The following TLE2 variants were observed in gnomAD, a reference collection of about 807,000 sequenced individuals.
TLE2 encodes transducin-like enhancer protein 2.
TLE2 carries 74 observed loss-of-function variants against 97.2 expected under a neutral mutation model. That is an observed-to-expected ratio of 0.76 (90% CI 0.63 to 0.92). The LOEUF is 0.92. Ranked by LOEUF, TLE2 falls within the 40% of genes least tolerant of loss-of-function variation. The pLI is 0.00. For synonymous variants in TLE2, 499 were observed against 432.1 expected (o/e 1.15, Z -1.92); for missense variants, 1,038 against 1,008.7 (o/e 1.03, Z -0.39).
At chr19:3,012,687 A>G (rs2089621655) in intron 11 of TLE2, among the ~76,000 whole-genome samples, 1 of 152,084 alleles carries the variant, frequency 6.6e-6, no homozygotes, top group African/African-American at 2.4e-5. Flanking sequence ...TCCCTCCCCA[A>G]GGAGAGCTCT....
intron 1 of TLE2, among the ~76,000 whole-genome samples, chr19:3,036,297 C>G (rs1251128368): frequency 6.6e-6 from 1 of 152,210 alleles, no homozygotes; most frequent in South Asian, 2.1e-4. Context: ...GGCTCCCGCC[C>G]AGGCTGTCAA....
chr19:3,022,253 G>A (rs1010585946), intron 5 of TLE2, among the ~76,000 whole-genome samples: 3 of 152,140 alleles, frequency 2.0e-5, no homozygotes, highest in African/African-American at 2.4e-5. Flanking sequence ...CAGGTGCGGT[G>A]GCTCACGCGT....
intron 3 of TLE2, 56 bp downstream of exon 3, chr19:3,028,263 G>A (rs2089978511): frequency 1.3e-6 from 2 of 1,538,212 alleles, no homozygotes; most frequent in African/African-American, 1.4e-5. Context: ...AGAGTCCACC[G>A]TGACTCAAAG....
chr19:3,037,709 G>T (rs1473237659), intron 1 of TLE2, among the ~76,000 whole-genome samples: 2 of 152,154 alleles, frequency 1.3e-5, no homozygotes, highest in Admixed American at 1.3e-4. Context: ...GCGGCTGGGG[G>T]AGAAGTCCCA....
upstream of TLE2, among the ~76,000 whole-genome samples, chr19:3,033,513 G>A (rs2090041806): frequency 6.6e-6 from 1 of 152,058 alleles, no homozygotes; most frequent in East Asian, 1.9e-4. Context: ...TGTTGGCCAG[G>A]CTGGTCTTGA....
At position 3,007,505 on chromosome 19, in the gene TLE2, C is replaced by A. The variant is rs538017647; in HGVS notation, c.1251-836G>T. ...TTTCAAGTGATCCTCCCGCCTTGGC[C>A]TCCCAAAGCACTGGGATTACAGGAG... On this transcript the variant is annotated intron_variant, in intron 14 of 19. Transcript: ENST00000262953. Among the ~76,000 whole-genome samples, 35 of 152,266 alleles carry A rather than the reference C, an allele frequency of 2.3e-4. No individual in the cohort carries two copies. The Middle Eastern group carries it at 0.01, about 44-fold the overall frequency.
intron 14 of TLE2, among the ~76,000 whole-genome samples, chr19:3,006,917 G>C (rs1000827487): frequency 1.3e-5 from 2 of 152,132 alleles, no homozygotes. Context: ...CGAGTAGCTG[G>C]GATTACAGGC....
chr19:3,021,114 AGG>A (rs148602558), intron 5 of TLE2, among the ~76,000 whole-genome samples: 858 of 45,450 alleles, frequency 0.019, 53 homozygotes, highest in Non-Finnish European at 0.028. Flanking sequence ...AAAAAAAAAA[AGG>A]GGGGGGGGTG....
chr19:3,033,173 C>T (rs1049027865), upstream of TLE2, among the ~76,000 whole-genome samples: 2 of 145,048 alleles, frequency 1.4e-5, no homozygotes, highest in African/African-American at 5.2e-5. Context: ...CCAAGCCTGG[C>T]TAATTTTTTT....
chr19:3,000,579 C>G, intron 19 of TLE2, 68 bp downstream of exon 19: 1 of 1,441,280 alleles, frequency 6.9e-7, no homozygotes, highest in African/African-American at 1.4e-5. Flanking sequence ...GGGGCAATCT[C>G]TCTGTCTGAC....
In TLE2 at chr19:3,011,032, C is replaced by G; in HGVS notation, c.1002G>C (p.Thr334=). ...CQLAAKPAPS[T]DSVALRSPLT... is the part of the protein sequence containing the mutation. ...AGGCAAGGTGCTCACCGACGCTGTC[C>G]GTGGAAGGTGCTGGCTTGGCAGCAA... The change falls in exon 12 of 20, where the codon ACG becomes ACC. Residue 334 remains threonine, a synonymous_variant. Transcript: ENST00000262953. 1 of 1,606,110 alleles carries G rather than the reference C, an allele frequency of 6.2e-7. No individual in the cohort carries two copies. Among genetic ancestry groups the G allele is most frequent in the Non-Finnish European group, 8.5e-7 (1 of 1,177,350 alleles).
intron 14 of TLE2, among the ~76,000 whole-genome samples, chr19:3,008,197 A>G (rs575758113): frequency 5.4e-4 from 83 of 152,316 alleles, no homozygotes; most frequent in African/African-American, 1.9e-3. Context: ...CAGTGGGTCT[A>G]GAACACTTCC....
At chr19:3,006,337 C>G (rs577882652) in intron 15 of TLE2, 83 bp downstream of exon 15, 1 of 1,533,612 alleles carries the variant, frequency 6.5e-7, no homozygotes, top group Non-Finnish European at 8.7e-7. Context: ...CCACCCACGG[C>G]CAGCCTGCGA....
intron 2 of TLE2, 48 bp from the exon 3 acceptor site, chr19:3,028,430 C>A: frequency 1.9e-6 from 3 of 1,541,698 alleles, no homozygotes; most frequent in Non-Finnish European, 1.8e-6. Context: ...CCCATGTGGG[C>A]CGGCTTCCAA....
intron 4 of TLE2, among the ~76,000 whole-genome samples, chr19:3,026,002 C>G: frequency 6.6e-6 from 1 of 151,906 alleles, no homozygotes; most frequent in East Asian, 1.9e-4. Context: ...AGTCCCAATA[C>G]AAGGTTCTGC....
At chr19:3,022,508 G>A (rs1027671439) in intron 5 of TLE2, among the ~76,000 whole-genome samples, 4 of 148,868 alleles carry the variant, frequency 2.7e-5, no homozygotes, top group Admixed American at 6.7e-5. Context: ...CAGCCCGGGC[G>A]ACAGAGCAAG....
upstream of TLE2, among the ~76,000 whole-genome samples, chr19:3,046,442 TG>T (rs915300996): frequency 5.3e-5 from 8 of 152,104 alleles, no homozygotes; most frequent in African/African-American, 1.9e-4. Context: ...CCAACCGGGC[TG>T]GGGATGGGGA....
chr19:3,041,158 C>T (rs2090100787), intron 1 of TLE2, among the ~76,000 whole-genome samples: 1 of 149,004 alleles, frequency 6.7e-6, no homozygotes, highest in Admixed American at 6.8e-5. Context: ...TCCCGAGTAG[C>T]TGGGATTACA....
At chr19:3,016,500 G>T (rs1222697991) in intron 8 of TLE2, among the ~76,000 whole-genome samples, 1 of 146,698 alleles carries the variant, frequency 6.8e-6, no homozygotes, top group Admixed American at 6.8e-5. Flanking sequence ...TGAGGCAGGA[G>T]AATCACTTGA....
Sources: allele counts gnomAD v4.1 joint callset (sites outside exome capture counted in the v4.1 genomes callset), GRCh38; gene constraint gnomAD v4.1.1; transcripts MANE v1.5; gene names NCBI Gene and HGNC (gene_info 2026-07-23, HGNC 2026-07-21).